RAP1A: variants seen among roughly 807,000 people sequenced by gnomAD.
RAP1A encodes RAP1A, member of RAS oncogene family, also known as ras-related protein Rap-1A.
In RAP1A, 6 loss-of-function variants were observed where a neutral mutation model predicts 26.4. The observed-to-expected ratio is 0.23, with a 90% CI of 0.12 to 0.45. The LOEUF (loss-of-function observed/expected upper bound fraction) is 0.45. Among genes scored for constraint, RAP1A ranks in the 20% least tolerant of loss-of-function variants. RAP1A has a pLI of 0.99. For synonymous variants in RAP1A, 73 were observed against 79.4 expected, an observed-to-expected ratio of 0.92 and a Z score of 0.43; for missense variants, 121 against 217.2, an observed-to-expected ratio of 0.56 and a Z score of 2.78.
chr1:111,709,235 G>A lies in RAP1A; in HGVS notation c.555G>A (p.Ter185=). ...KPKKKSCLLL[*] The stretch of plus-strand genomic sequence containing the variant: ...AAAAGAAATCATGTCTGCTGCTCTA[G>A]GCCCATAGTCAGCAGCAGCTCTGAG... Residue 185 remains the stop codon, a stop_retained_variant, in exon 7 of 8, where the codon TAG becomes TAA. Transcript: ENST00000369709. The A allele has an allele frequency of 6.2e-7, 1 of 1,609,436 alleles. No individual in the cohort carries two copies. The highest frequency in any genetic ancestry group is 8.5e-7 in the Non-Finnish European group (1 of 1,178,734).
chr1:111,678,660 G>A (rs995559683), intron 1 of RAP1A, among the ~76,000 whole-genome samples: 1 of 152,008 alleles, frequency 6.6e-6, no homozygotes, highest in Non-Finnish European at 1.5e-5. Context: ...ACATAGAAAA[G>A]TTACAGTAAA....
At chr1:111,562,658 G>A (rs923162678) in intron 1 of RAP1A, among the ~76,000 whole-genome samples, 2 of 152,162 alleles carry the variant, frequency 1.3e-5, no homozygotes, top group Non-Finnish European at 2.9e-5. Flanking sequence ...TAAACCCACT[G>A]CCATGTTTCA....
At chr1:111,561,505 A>T (rs1657735296) in intron 1 of RAP1A, among the ~76,000 whole-genome samples, 1 of 152,106 alleles carries the variant, frequency 6.6e-6, no homozygotes, top group South Asian at 2.1e-4. Context: ...TTGTGTATGT[A>T]TTGGGGGAAG....
At chr1:111,564,606 G>A (rs987600876) in intron 1 of RAP1A, among the ~76,000 whole-genome samples, 14 of 149,352 alleles carry the variant, frequency 9.4e-5, no homozygotes, top group Middle Eastern at 3.5e-3. Flanking sequence ...TCCACCTCCC[G>A]GGTTCACACC....
chr1:111,631,383 C>T (rs1387767767), intron 1 of RAP1A, among the ~76,000 whole-genome samples: 1 of 152,184 alleles, frequency 6.6e-6, no homozygotes, highest in Non-Finnish European at 1.5e-5. Context: ...AATGTCCTAT[C>T]TGTAATGGAC....
intron 1 of RAP1A, among the ~76,000 whole-genome samples, chr1:111,543,392 G>A (rs1656916423): frequency 6.6e-6 from 1 of 152,018 alleles, no homozygotes; most frequent in African/African-American, 2.4e-5. Context: ...ATCCTGTCTG[G>A]TCTCACCAAA....
intron 1 of RAP1A, among the ~76,000 whole-genome samples, chr1:111,641,151 ATAAT>A (rs1342152552): frequency 2.0e-5 from 3 of 152,208 alleles, no homozygotes; most frequent in Non-Finnish European, 4.4e-5. Flanking sequence ...ATATATAGAA[ATAAT>A]TAGTTTTCTT....
intron 1 of RAP1A, chr1:111,680,636 C>G (rs926517658): frequency 1.3e-5 from 2 of 152,802 alleles, no homozygotes; most frequent in African/African-American, 4.8e-5. Context: ...AGAGGTTCAG[C>G]TGGCATTTGG....
At chr1:111,575,155 CT>C (rs879651592) in intron 1 of RAP1A, among the ~76,000 whole-genome samples, 81 of 146,350 alleles carry the variant, frequency 5.5e-4, no homozygotes, top group South Asian at 4.3e-4. Context: ...TTCTTTCTTT[CT>C]TTTTTTTTTT....
intron 1 of RAP1A, among the ~76,000 whole-genome samples, chr1:111,559,453 C>T (rs1657643928): frequency 6.6e-6 from 1 of 152,144 alleles, no homozygotes. Context: ...CAGCATAATA[C>T]TGGTCATCAA....
At chr1:111,573,460 G>C (rs1004404138) in intron 1 of RAP1A, among the ~76,000 whole-genome samples, 1 of 152,018 alleles carries the variant, frequency 6.6e-6, no homozygotes, top group Admixed American at 6.5e-5. Context: ...TCAGCCTCCA[G>C]AGTAGCTGGG....
At chr1:111,542,841 C>T (rs1310266745) in intron 1 of RAP1A, among the ~76,000 whole-genome samples, 2 of 152,056 alleles carry the variant, frequency 1.3e-5, no homozygotes, top group Non-Finnish European at 2.9e-5. Flanking sequence ...GGACTACAGG[C>T]ATGAACCACC....
At chr1:111,559,378 G>T (rs1039630294) in intron 1 of RAP1A, among the ~76,000 whole-genome samples, 1 of 152,110 alleles carries the variant, frequency 6.6e-6, no homozygotes, top group Non-Finnish European at 1.5e-5. Flanking sequence ...TTACGATTCA[G>T]CAGTGACCTA....
At chr1:111,682,175 A>C (rs1480040567) in intron 1 of RAP1A, among the ~76,000 whole-genome samples, 1 of 152,120 alleles carries the variant, frequency 6.6e-6, no homozygotes, top group African/African-American at 2.4e-5. Flanking sequence ...GGCCTGCCTT[A>C]CAAGAGGCCC....
At chr1:111,592,699 A>G (rs1658491780) in intron 1 of RAP1A, among the ~76,000 whole-genome samples, 1 of 152,144 alleles carries the variant, frequency 6.6e-6, no homozygotes, top group South Asian at 2.1e-4. Context: ...AGTTTTAATC[A>G]AAGCACTGTT....
intron 1 of RAP1A, among the ~76,000 whole-genome samples, chr1:111,627,899 A>T (rs1003296942): frequency 6.6e-6 from 1 of 151,734 alleles, no homozygotes; most frequent in Non-Finnish European, 1.5e-5. Flanking sequence ...TTTCAGATAG[A>T]TGAGGGGGGT....
At chr1:111,652,232 G>T (rs190247528) in intron 1 of RAP1A, among the ~76,000 whole-genome samples, 24 of 151,954 alleles carry the variant, frequency 1.6e-4, no homozygotes, top group Admixed American at 1.6e-3. Flanking sequence ...CCTTAGCCTC[G>T]CAAAGTGCTG....
intron 3 of RAP1A, among the ~76,000 whole-genome samples, chr1:111,697,202 C>G (rs1364041996): frequency 6.6e-6 from 1 of 152,054 alleles, no homozygotes; most frequent in East Asian, 1.9e-4. Context: ...AGAATCGTTA[C>G]AGAGGTCAGA....
At chr1:111,572,560 T>C (rs972286976) in intron 1 of RAP1A, among the ~76,000 whole-genome samples, 23 of 152,224 alleles carry the variant, frequency 1.5e-4, no homozygotes, top group African/African-American at 5.5e-4. Flanking sequence ...GAGACAGGCC[T>C]GGGTGAAGCC....
Sources: gnomAD v4.1 joint callset for allele counts (sites outside exome capture counted in the v4.1 genomes callset) on GRCh38, gnomAD v4.1.1 for gene constraint, MANE v1.5 for transcripts, NCBI Gene and HGNC (gene_info 2026-07-23, HGNC 2026-07-21) for gene names.